Variants in GATAD2A observed in about 807,000 individuals in gnomAD.
GATAD2A encodes GATA zinc finger domain containing 2A.
GATAD2A carries 12 observed loss-of-function variants against 68.5 expected under a neutral mutation model. The observed-to-expected ratio is 0.18, with a 90% confidence interval of 0.11 to 0.28. GATAD2A has a LOEUF of 0.28. Among genes scored for constraint, GATAD2A ranks in the 10% least tolerant of loss-of-function variants. The pLI is 1.00. For missense variants in GATAD2A, 755 were observed against 868.5 expected (o/e 0.87, Z 1.64); for synonymous variants, 410 against 375.3 (o/e 1.09, Z -1.07).
chr19:19,482,716 C>G (rs906309599), intron 2 of GATAD2A, among the ~76,000 whole-genome samples: 18 of 152,180 alleles, frequency 1.2e-4, no homozygotes, highest in African/African-American at 4.3e-4. Context: ...AAAGGCTCAG[C>G]AGGTGTTTAC....
At chr19:19,414,076 G>A (rs1326577033) in intron 1 of GATAD2A, among the ~76,000 whole-genome samples, 1 of 152,152 alleles carries the variant, frequency 6.6e-6, no homozygotes, top group African/African-American at 2.4e-5. Context: ...GGGGGTGGGA[G>A]CCTCAGATGT....
chr19:19,421,198 G>A (rs904393610), intron 1 of GATAD2A, among the ~76,000 whole-genome samples: 4 of 152,198 alleles, frequency 2.6e-5, no homozygotes, highest in Admixed American at 2.0e-4. Flanking sequence ...GCTGGCATAG[G>A]GGTTAGGTAG....
At chr19:19,422,925 A>T (rs1157768431) in intron 1 of GATAD2A, among the ~76,000 whole-genome samples, 1 of 151,806 alleles carries the variant, frequency 6.6e-6, no homozygotes, top group Non-Finnish European at 1.5e-5. Flanking sequence ...TTTAGCCAGG[A>T]TGGTCTCGAT....
chr19:19,453,080 G>A (rs1712060427), intron 1 of GATAD2A, among the ~76,000 whole-genome samples: 1 of 152,188 alleles, frequency 6.6e-6, no homozygotes, highest in Admixed American at 6.5e-5. Context: ...CAGCCTCAGT[G>A]GTGTGTTTGG....
intron 1 of GATAD2A, among the ~76,000 whole-genome samples, chr19:19,456,447 T>C (rs1045665094): frequency 3.3e-5 from 5 of 152,188 alleles, no homozygotes; most frequent in African/African-American, 9.7e-5. Flanking sequence ...GTATATTTCT[T>C]AGCCACTGAG....
rs1204288015 is a variant in GATAD2A, at chr19:19,405,959, C to G, written c.-67C>G. On this transcript the variant is annotated 5_prime_UTR_variant, in exon 1 of 12. Coordinates refer to ENST00000683918, the MANE Select transcript of GATAD2A (RefSeq NM_001384528.1). ...TCCGCCGCCCGGCCCCGCGGGCGAC[C>G]CCGGACCAGCAGCCCCCGTAACCTG... is the stretch of plus-strand genomic sequence containing the variant. 3 of 149,366 alleles carry G rather than the reference C, an allele frequency of 2.0e-5. No individual in the cohort carries two copies. Among genetic ancestry groups the G allele is most frequent in the Non-Finnish European group, 4.5e-5 (3 of 67,174 alleles). The allele number at this position is 149,366 out of a possible 1,614,324, so 9.3% of individuals were successfully genotyped here.
At chr19:19,412,728 C>T (rs915398164) in intron 1 of GATAD2A, among the ~76,000 whole-genome samples, 2 of 152,288 alleles carry the variant, frequency 1.3e-5, no homozygotes, top group East Asian at 1.9e-4. Context: ...AACATTTTCT[C>T]CAGTCACAGC....
At position 19,482,227 on chromosome 19, in the gene GATAD2A, A is replaced by G. The variant is rs191870958; in HGVS notation, c.270-10079A>G. Among the ~76,000 whole-genome samples the G allele has an allele frequency of 5.7e-4, 87 of 152,284 alleles. 1 individual carries two copies. The East Asian group carries it at 0.017, about 29-fold the overall frequency. Reference sequence around the variant, plus strand: ...GAGACCAGCCTGACCAACGTGGTGAAACCCTGTCTCTACTAAAAATACAAA... The same window carrying G: ...GAGACCAGCCTGACCAACGTGGTGAGACCCTGTCTCTACTAAAAATACAAA... On this transcript the variant is annotated intron_variant, in intron 2 of 11. Transcript: ENST00000683918.
At chr19:19,489,640 C>T (rs1198804755) in intron 2 of GATAD2A, among the ~76,000 whole-genome samples, 1 of 152,208 alleles carries the variant, frequency 6.6e-6, no homozygotes, top group Admixed American at 6.5e-5. Flanking sequence ...GTGGTCTGGA[C>T]CCCTCGCCTA....
chr19:19,483,512 T>A (rs1478961152), intron 2 of GATAD2A, among the ~76,000 whole-genome samples: 1 of 151,430 alleles, frequency 6.6e-6, no homozygotes, highest in African/African-American at 2.4e-5. Context: ...AAGAAGGGAG[T>A]TGAGGGAACC....
chr19:19,429,120 C>T (rs2053438920), intron 1 of GATAD2A: 4 of 872,494 alleles, frequency 4.6e-6, no homozygotes, highest in Non-Finnish European at 4.1e-6. Context: ...TCCGTGCCCA[C>T]GTGGGTGTTA....
intron 1 of GATAD2A, among the ~76,000 whole-genome samples, chr19:19,457,879 G>A (rs954590887): frequency 2.0e-5 from 3 of 152,144 alleles, no homozygotes; most frequent in East Asian, 1.9e-4. Flanking sequence ...AGTTGTGCCT[G>A]TACCTTGTGG....
intron 1 of GATAD2A, among the ~76,000 whole-genome samples, chr19:19,417,670 C>T (rs1013988868): frequency 2.0e-5 from 3 of 152,208 alleles, no homozygotes; most frequent in Non-Finnish European, 4.4e-5. Context: ...ATGGAGAGCC[C>T]TCAGAGGTTT....
chr19:19,413,317 G>A, intron 1 of GATAD2A, among the ~76,000 whole-genome samples: 1 of 152,228 alleles, frequency 6.6e-6, no homozygotes, highest in Non-Finnish European at 1.5e-5. Context: ...TAGGAGAGTG[G>A]TGAACTGAAT....
At chr19:19,464,731 C>A (rs2148009386) in intron 1 of GATAD2A, 1 of 157,174 alleles carries the variant, frequency 6.4e-6, no homozygotes, top group Non-Finnish European at 1.4e-5. Flanking sequence ...GGCCAGGCCT[C>A]ACTCTACTCA....
rs766963522 is a variant in GATAD2A at position 19,502,441 on chromosome 19, C to G, written c.1689C>G (p.Ser563Arg). 1.2e-6 allele frequency: 2 copies of G among 1,613,708 alleles called. No individual in the cohort carries two copies. The highest frequency in any genetic ancestry group is 1.7e-6 in the Non-Finnish European group (2 of 1,179,968). ...QNSASATALV[S>R]RTGRHSERTV... ...CAGCCTCGGCCACAGCCCTGGTCAG[C>G]AGGACCGGCAGACATTCTGAGAGAA... Residue 563 changes from serine (S) to arginine (R), a missense_variant, in exon 11 of 12, where the codon AGC (serine) becomes AGG (arginine). Ser to Arg is a moderately radical substitution (Grantham distance 110, BLOSUM62 -1). Coordinates refer to ENST00000683918, the MANE Select transcript of GATAD2A (RefSeq NM_001384528.1).
At chr19:19,430,993 G>GTC (rs2053675327) in intron 1 of GATAD2A, among the ~76,000 whole-genome samples, 1 of 151,010 alleles carries the variant, frequency 6.6e-6, no homozygotes, top group Middle Eastern at 3.2e-3. Flanking sequence ...GTGTGTGTGT[G>GTC]TGTGTGTGTG....
chr19:19,424,575 G>C (rs753319041), intron 1 of GATAD2A, among the ~76,000 whole-genome samples: 1 of 151,276 alleles, frequency 6.6e-6, no homozygotes, highest in Non-Finnish European at 1.5e-5. Flanking sequence ...GTCTCTCTCT[G>C]TTGCTCAGGC....
At chr19:19,412,586 C>A (rs1008645922) in intron 1 of GATAD2A, among the ~76,000 whole-genome samples, 1 of 151,960 alleles carries the variant, frequency 6.6e-6, no homozygotes, top group Non-Finnish European at 1.5e-5. Context: ...GAGAGGAGAT[C>A]ATGCCATTGC....
Sources: gnomAD v4.1 joint callset for allele counts (sites outside exome capture counted in the v4.1 genomes callset) on GRCh38, gnomAD v4.1.1 for gene constraint, MANE v1.5 for transcripts, NCBI Gene and HGNC (gene_info 2026-07-23, HGNC 2026-07-21) for gene names.